The following ELFN2 variants were observed in gnomAD, a reference collection of about 807,000 sequenced individuals.
ELFN2 encodes the protein extracellular leucine rich repeat and fibronectin type III domain containing 2, also known as protein phosphatase 1 regulatory subunit 29.
A neutral mutation model predicts 45.5 loss-of-function variants in ELFN2; 17 were observed. The ratio of observed to expected loss-of-function variants is 0.37; its 90% CI spans 0.26 to 0.56. The LOEUF (loss-of-function observed/expected upper bound fraction) is 0.56. Ranked by LOEUF, ELFN2 falls within the 20% of genes least tolerant of loss-of-function variation. ELFN2 has a pLI of 0.77. For synonymous variants in ELFN2, 550 were observed against 551.5 expected (o/e 1.00, Z 0.04); for missense variants, 922 against 1,183.2 (o/e 0.78, Z 3.24).
intron 2 of ELFN2, among the ~76,000 whole-genome samples, chr22:37,386,624 G>GA (rs1252492969): frequency 6.6e-6 from 1 of 152,190 alleles, no homozygotes; most frequent in Non-Finnish European, 1.5e-5. Flanking sequence ...AGGCTACGGG[G>GA]GGCCTGCAGC....
chr22:37,389,966 G>T (rs1378751439), intron 2 of ELFN2, among the ~76,000 whole-genome samples: 2 of 152,202 alleles, frequency 1.3e-5, no homozygotes, highest in Admixed American at 6.5e-5. Flanking sequence ...AACCAAGCTG[G>T]TGGGGTGAGG....
At chr22:37,380,729 T>C (rs2145644406) in intron 2 of ELFN2, among the ~76,000 whole-genome samples, 1 of 152,240 alleles carries the variant, frequency 6.6e-6, no homozygotes, top group South Asian at 2.1e-4. Context: ...GCCAGATCTC[T>C]CAGGTAGGCA....
intron 2 of ELFN2, among the ~76,000 whole-genome samples, chr22:37,415,044 GA>G (rs1932741188): frequency 6.6e-6 from 1 of 152,238 alleles, no homozygotes; most frequent in Non-Finnish European, 1.5e-5. Context: ...CTGAGGCCCA[GA>G]AAGGTGGAGA....
At chr22:37,409,455 C>T (rs1055130612) in intron 2 of ELFN2, among the ~76,000 whole-genome samples, 2 of 152,180 alleles carry the variant, frequency 1.3e-5, no homozygotes, top group African/African-American at 4.8e-5. Context: ...TGGACCCCCA[C>T]ACCCTACCTT....
chr22:37,412,129 G>A (rs1932662830), intron 2 of ELFN2, among the ~76,000 whole-genome samples: 1 of 152,000 alleles, frequency 6.6e-6, no homozygotes, highest in African/African-American at 2.4e-5. Context: ...TGTATCACTT[G>A]AGGTCAGGAG....
chr22:37,343,642 G>A (rs1930616157), intron 1 of ELFN2, among the ~76,000 whole-genome samples: 1 of 152,046 alleles, frequency 6.6e-6, no homozygotes, highest in Non-Finnish European at 1.5e-5. Context: ...CCACCAGGCT[G>A]CCAGCCACCA....
At chr22:37,426,963 A>C (rs1035805028) in intron 1 of ELFN2, 1 of 152,202 alleles carries the variant, frequency 6.6e-6, no homozygotes, top group Non-Finnish European at 1.5e-5. Flanking sequence ...AGAGAGGTGC[A>C]GTGTGGCACC....
At chr22:37,397,797 G>C (rs182314553) in intron 2 of ELFN2, among the ~76,000 whole-genome samples, 2 of 151,934 alleles carry the variant, frequency 1.3e-5, no homozygotes, top group Non-Finnish European at 2.9e-5. Flanking sequence ...GGAGGGGAAC[G>C]AGCTACCGGG....
downstream of ELFN2, among the ~76,000 whole-genome samples, chr22:37,367,708 GGCCCCCAA>G (rs1298209832): frequency 1.3e-5 from 2 of 152,198 alleles, no homozygotes; most frequent in Admixed American, 1.3e-4. Context: ...GAGGTCATCA[GGCCCCCAA>G]CCCATCAGAC....
rs746833926 is a variant in ELFN2 at position 37,373,329 on chromosome 22, G to A, written c.2206C>T (p.Arg736Cys). 10 of 1,613,512 alleles carry A rather than the reference G, an allele frequency of 6.2e-6. No homozygotes were observed. The Admixed American group carries it at 6.7e-5, about 11-fold the overall frequency. ...GAGTAGGTGGAGTCACGCTTGGAGCGGGTCAGCGGCTTGAGGAAGGACACG... is the reference window on the plus strand; with the variant it reads ...GAGTAGGTGGAGTCACGCTTGGAGCAGGTCAGCGGCTTGAGGAAGGACACG... Reference protein sequence around the residue: ...QRVSFLKPLTRSKRDSTYSQL... With the variant: ...QRVSFLKPLTCSKRDSTYSQL... Residue 736 changes from arginine to cysteine, a missense_variant, in exon 3 of 3, where the codon CGC (arginine) becomes TGC (cysteine). Physicochemically the swap from Arg to Cys is radical, Grantham distance 180. Transcript: ENST00000402918.
intron 2 of ELFN2, among the ~76,000 whole-genome samples, chr22:37,401,688 C>A (rs5756668): frequency 2.0e-5 from 3 of 151,862 alleles, no homozygotes; most frequent in African/African-American, 7.3e-5. Context: ...CTAGGAGGCG[C>A]GTGAGGTTTC....
At chr22:37,348,371 C>A (rs1480173288) in intron 1 of ELFN2, among the ~76,000 whole-genome samples, 1 of 137,426 alleles carries the variant, frequency 7.3e-6, no homozygotes, top group African/African-American at 2.5e-5. Flanking sequence ...TGGAGACAGG[C>A]GTGGCTGTGG....
chr22:37,392,350 C>T lies in ELFN2; in HGVS notation c.-462-16354G>A, dbSNP rs12157549. ...TTTTTTTTTTTGAGACAGAGTCTCA[C>T]TCTGTCGCCCAGGCTGGAGTGCAGT... On this transcript the variant is annotated intron_variant, in intron 2 of 2. Transcript: ENST00000402918. Among the ~76,000 whole-genome samples the T allele has an allele frequency of 9.3e-3, 1,351 of 146,052 alleles. 20 individuals carry two copies. The highest frequency in any genetic ancestry group is 0.033 in the African/African-American group (1,284 of 39,104).
Position 37,417,466 on chromosome 22 carries a change from C to G in ELFN2, c.-463+303G>C, listed in dbSNP as rs1374047242. ...GAGTGCAGACTAAGCCTGCCTCAGC[C>G]TCTCTGCCGGGTGATGGGGCAGGAG... On this transcript the variant is annotated intron_variant, in intron 2 of 2. Transcript: ENST00000402918. The surrounding 1 kb of genome is among the most constrained non-coding windows in gnomAD (Gnocchi z 4.5). Among the ~76,000 whole-genome samples, 2 of 152,236 alleles carry G rather than the reference C, an allele frequency of 1.3e-5. No homozygotes were observed. The highest frequency in any genetic ancestry group is 4.8e-5 in the African/African-American group (2 of 41,462).
At chr22:37,364,148 G>A (rs1302885065), downstream of ELFN2, among the ~76,000 whole-genome samples, 1 of 151,988 alleles carries the variant, frequency 6.6e-6, no homozygotes, top group African/African-American at 2.4e-5. Flanking sequence ...AGCCAGCAGG[G>A]ATCACCTAAG....
chr22:37,423,532 CCTCT>C (rs1195660884), intron 1 of ELFN2, among the ~76,000 whole-genome samples: 1 of 152,162 alleles, frequency 6.6e-6, no homozygotes, highest in Non-Finnish European at 1.5e-5. Flanking sequence ...TGGTCTGTAA[CCTCT>C]CTGTTTCTTG....
intron 1 of ELFN2, among the ~76,000 whole-genome samples, chr22:37,349,864 C>G (rs1346708170): frequency 1.3e-5 from 2 of 151,166 alleles, no homozygotes; most frequent in African/African-American, 4.8e-5. Flanking sequence ...AAAGGAGATT[C>G]CAGCCAACCC....
chr22:37,341,551 A>G (rs1203798197), intron 2 of ELFN2, among the ~76,000 whole-genome samples: 3 of 152,190 alleles, frequency 2.0e-5, no homozygotes, highest in Non-Finnish European at 2.9e-5. Context: ...TCACTGGGCC[A>G]TATTTCCAAC....
At chr22:37,412,115 C>T (rs1469790519) in intron 2 of ELFN2, among the ~76,000 whole-genome samples, 1 of 151,930 alleles carries the variant, frequency 6.6e-6, no homozygotes, top group African/African-American at 2.4e-5. Context: ...GAGGCCGAGG[C>T]AGGTGTATCA....
Sources: gnomAD v4.1 joint callset for allele counts (sites outside exome capture counted in the v4.1 genomes callset) on GRCh38, gnomAD v4.1.1 for gene constraint, Gnocchi (gnomAD v3.1) non-coding constraint, MANE v1.5 for transcripts, NCBI Gene and HGNC (gene_info 2026-07-23, HGNC 2026-07-21) for gene names.